CDK14: variants seen among roughly 807,000 people sequenced by gnomAD.
The protein encoded by CDK14 is cyclin dependent kinase 14, also known as cyclin-dependent kinase 14.
In CDK14, 34 loss-of-function variants were observed where a neutral mutation model predicts 60.7. That is an observed-to-expected ratio of 0.56 (90% CI 0.43 to 0.75). The LOEUF is 0.75. Among genes scored for constraint, CDK14 ranks in the 30% least tolerant of loss-of-function variants. The probability of loss-of-function intolerance (pLI) is 0.00; values close to 1 mark genes in which losing one functional copy is unlikely to be tolerated. For synonymous variants in CDK14, 197 were observed against 203.7 expected, an observed-to-expected ratio of 0.97 and a Z score of 0.28; for missense variants, 482 against 564.1, an observed-to-expected ratio of 0.85 and a Z score of 1.47.
At chr7:90,602,513 A>G (rs978695791) in intron 1 of CDK14, among the ~76,000 whole-genome samples, 2 of 152,238 alleles carry the variant, frequency 1.3e-5, no homozygotes, top group Non-Finnish European at 2.9e-5. Flanking sequence ...AGTAGACAGT[A>G]TGGTAATATT....
At chr7:91,117,742 T>C (rs534348657) in intron 13 of CDK14, among the ~76,000 whole-genome samples, 1 of 152,266 alleles carries the variant, frequency 6.6e-6, no homozygotes, top group East Asian at 1.9e-4. Context: ...TGAGGCTCAA[T>C]AAATATTTTT....
At chr7:91,102,957 G>A (rs2116320130) in intron 12 of CDK14, among the ~76,000 whole-genome samples, 1 of 152,252 alleles carries the variant, frequency 6.6e-6, no homozygotes, top group Admixed American at 6.5e-5. Flanking sequence ...CATTGTATTA[G>A]AAATGCTGCC....
intron 5 of CDK14, among the ~76,000 whole-genome samples, chr7:90,845,314 C>T (rs905483004): frequency 2.6e-5 from 4 of 152,082 alleles, no homozygotes; most frequent in Non-Finnish European, 5.9e-5. Context: ...ATAGATATTA[C>T]ACTATGTAAA....
Position 91,168,750 on chromosome 7 carries a change from A to G in CDK14, c.*29-38415A>G, listed in dbSNP as rs144945084. Among the ~76,000 whole-genome samples, 5 of 152,354 alleles carry G rather than the reference A, an allele frequency of 3.3e-5. No individual in the cohort carries two copies. The East Asian group carries it at 9.6e-4, about 29-fold the overall frequency. On this transcript the variant is annotated intron_variant, in intron 14 of 14. Coordinates refer to ENST00000380050, the MANE Select transcript of CDK14 (RefSeq NM_001287135.2). ...ACATTTTAAAAGTCTTTTCTCATTT[A>G]GGAATTCATTTTTTATTAACGGGTT...
At chr7:90,649,730 G>A (rs1800586398) in intron 2 of CDK14, among the ~76,000 whole-genome samples, 1 of 151,872 alleles carries the variant, frequency 6.6e-6, no homozygotes. Flanking sequence ...CTGTCCTTGT[G>A]GTAGTTTGCT....
chr7:91,009,736 T>C (rs1053025853), intron 10 of CDK14, among the ~76,000 whole-genome samples: 2 of 152,132 alleles, frequency 1.3e-5, no homozygotes, highest in African/African-American at 4.8e-5. Flanking sequence ...GGATGAGAAC[T>C]TTATCAGTTA....
chr7:90,814,172 T>C (rs1304735894), intron 5 of CDK14, among the ~76,000 whole-genome samples: 1 of 152,176 alleles, frequency 6.6e-6, no homozygotes, highest in East Asian at 1.9e-4. Context: ...ATTGGTTGAA[T>C]TATAGGACTG....
rs1789885401 is a variant in CDK14, at chr7:90,830,637, C to T, written c.545-32538C>T. On this transcript the variant is annotated intron_variant, in intron 5 of 14. Coordinates refer to ENST00000380050, the MANE Select transcript of CDK14 (RefSeq NM_001287135.2). The stretch of plus-strand genomic sequence containing the variant: ...CAGAAAATGGGTTTTTCTTTTCTAC[C>T]ACATGGTCAGGCTGGAAATTTTCCA... Among the ~76,000 whole-genome samples the T allele has an allele frequency of 2.0e-5, 3 of 152,154 alleles. 1 individual carries two copies. The highest frequency in any genetic ancestry group is 4.1e-4 in the South Asian group (2 of 4,820).
intron 3 of CDK14, among the ~76,000 whole-genome samples, chr7:90,728,876 T>G (rs1802740086): frequency 6.6e-6 from 1 of 151,832 alleles, no homozygotes; most frequent in South Asian, 2.1e-4. Flanking sequence ...TACTCTCAAA[T>G]GTCGCTGTCT....
Position 90,983,256 on chromosome 7 carries a change from C to T in CDK14, c.948-892C>T, listed in dbSNP as rs538915577. Among the ~76,000 whole-genome samples, 106 of 152,172 alleles carry T rather than the reference C, an allele frequency of 7.0e-4. 1 individual carries two copies. The highest frequency in any genetic ancestry group is 2.4e-3 in the African/African-American group (99 of 41,428). ...TCTAAAAAAAAGATACACATACTCA[C>T]GTATTCACCACAGCACTATTCACAA... On this transcript the variant is annotated intron_variant, in intron 9 of 14. Transcript: ENST00000380050.
chr7:90,925,832 T>C (rs1333399657), intron 8 of CDK14, among the ~76,000 whole-genome samples: 1 of 152,260 alleles, frequency 6.6e-6, no homozygotes, highest in African/African-American at 2.4e-5. Flanking sequence ...TGTTATAGTT[T>C]GTTATTCAGA....
chr7:90,961,887 G>T (rs994456838), intron 9 of CDK14, among the ~76,000 whole-genome samples: 3 of 152,216 alleles, frequency 2.0e-5, no homozygotes, highest in Non-Finnish European at 4.4e-5. Context: ...GATAATAGGT[G>T]TAAAACAGAG....
intron 2 of CDK14, among the ~76,000 whole-genome samples, chr7:90,605,602 T>C (rs557078320): frequency 6.6e-6 from 1 of 152,304 alleles, no homozygotes; most frequent in Non-Finnish European, 1.5e-5. Flanking sequence ...TTTTTCTCTT[T>C]GTAAAGAAAG....
chr7:91,061,397 A>G (rs1797780613), intron 11 of CDK14, among the ~76,000 whole-genome samples: 1 of 152,138 alleles, frequency 6.6e-6, no homozygotes, highest in Non-Finnish European at 1.5e-5. Context: ...TCTTCTCTCA[A>G]TTCGTCAAAG....
chr7:90,844,184 A>C (rs1373829525), intron 5 of CDK14, among the ~76,000 whole-genome samples: 3 of 152,206 alleles, frequency 2.0e-5, no homozygotes, highest in Non-Finnish European at 4.4e-5. Flanking sequence ...TAGGCACATA[A>C]TACTGGAGCC....
intron 6 of CDK14, among the ~76,000 whole-genome samples, chr7:90,886,602 A>T (rs904100535): frequency 4.6e-5 from 7 of 152,298 alleles, no homozygotes; most frequent in African/African-American, 1.7e-4. Context: ...CACTAAGTCA[A>T]GAGAATGAAG....
At chr7:90,619,207 G>T (rs1799716086) in intron 2 of CDK14, among the ~76,000 whole-genome samples, 1 of 152,138 alleles carries the variant, frequency 6.6e-6, no homozygotes, top group African/African-American at 2.4e-5. Context: ...TAAAGGAAGG[G>T]AAAGAAATGA....
chr7:91,108,034 G>T (rs564138483), intron 12 of CDK14, among the ~76,000 whole-genome samples: 23 of 152,214 alleles, frequency 1.5e-4, no homozygotes, highest in Non-Finnish European at 2.2e-4. Context: ...TTGTCCAGGC[G>T]CAGTGGCTCA....
intron 14 of CDK14, among the ~76,000 whole-genome samples, chr7:91,150,826 T>A (rs1473677200): frequency 1.3e-5 from 2 of 152,194 alleles, no homozygotes; most frequent in Non-Finnish European, 2.9e-5. Flanking sequence ...TAATACATTT[T>A]TATCTCTTTA....
Sources: gnomAD v4.1 joint callset for allele counts (sites outside exome capture counted in the v4.1 genomes callset) on GRCh38, gnomAD v4.1.1 for gene constraint, MANE v1.5 for transcripts, NCBI Gene and HGNC (gene_info 2026-07-23, HGNC 2026-07-21) for gene names.